RNF150: variants seen among roughly 807,000 people sequenced by gnomAD.
RNF150 encodes ring finger protein 150.
Under a neutral mutation model 39.3 loss-of-function variants are expected in RNF150, and 24 were observed. That is an observed-to-expected ratio of 0.61 (90% CI 0.44 to 0.86). The LOEUF is 0.86. RNF150 is among the 40% of genes least tolerant of loss of function. RNF150 has a pLI of 0.00. For synonymous variants in RNF150, 255 were observed against 227.3 expected, an observed-to-expected ratio of 1.12 and a Z score of -1.10; for missense variants, 502 against 587.8, an observed-to-expected ratio of 0.85 and a Z score of 1.51.
At chr4:141,027,477 A>G (rs1473528268) in intron 1 of RNF150, among the ~76,000 whole-genome samples, 2 of 152,188 alleles carry the variant, frequency 1.3e-5, no homozygotes, top group African/African-American at 2.4e-5. Context: ...CCAAGCTCCT[A>G]TCACCTCTGT....
At chr4:141,044,949 G>C (rs1002057039) in intron 1 of RNF150, among the ~76,000 whole-genome samples, 1 of 152,168 alleles carries the variant, frequency 6.6e-6, no homozygotes, top group Non-Finnish European at 1.5e-5. Flanking sequence ...TTTCTTTACG[G>C]AGTATTTACC....
At chr4:140,878,556 C>T (rs1465431562) in intron 6 of RNF150, among the ~76,000 whole-genome samples, 1 of 152,082 alleles carries the variant, frequency 6.6e-6, no homozygotes, top group African/African-American at 2.4e-5. Context: ...TGTACTTCTT[C>T]TTAGGAAAAT....
At chr4:141,068,253 T>C (rs1006989373) in intron 1 of RNF150, among the ~76,000 whole-genome samples, 2 of 152,208 alleles carry the variant, frequency 1.3e-5, no homozygotes, top group African/African-American at 4.8e-5. Flanking sequence ...CCAAGATACA[T>C]TCTTCTCAGT....
intron 1 of RNF150, among the ~76,000 whole-genome samples, chr4:141,162,006 G>A (rs746024215): frequency 7.2e-5 from 11 of 152,202 alleles, no homozygotes; most frequent in African/African-American, 1.7e-4. Flanking sequence ...CACAGAGTCC[G>A]CAATGGGGCA....
At chr4:140,912,691 A>C (rs1221746023) in intron 5 of RNF150, among the ~76,000 whole-genome samples, 1 of 152,144 alleles carries the variant, frequency 6.6e-6, no homozygotes, top group Non-Finnish European at 1.5e-5. Context: ...TTCCATAAAC[A>C]CATCAAATTC....
At chr4:141,143,479 T>C (rs1727153891) in intron 1 of RNF150, among the ~76,000 whole-genome samples, 1 of 152,136 alleles carries the variant, frequency 6.6e-6, no homozygotes. Flanking sequence ...CCTACTCTTC[T>C]CTCCATCTCC....
At chr4:140,947,767 T>C in intron 3 of RNF150, 31 bp from the exon 4 acceptor site, 1 of 1,435,446 alleles carries the variant, frequency 7.0e-7, no homozygotes, top group Non-Finnish European at 9.6e-7. Context: ...ATGAGCCTAT[T>C]TTCTTAGCTT....
chr4:140,944,649 A>G (rs1219678813), intron 4 of RNF150: 3 of 152,242 alleles, frequency 2.0e-5, no homozygotes, highest in African/African-American at 7.2e-5. Context: ...TATAATTTGG[A>G]AAGACATTCT....
At chr4:141,153,629 G>T (rs1189321421) in intron 1 of RNF150, among the ~76,000 whole-genome samples, 1 of 152,232 alleles carries the variant, frequency 6.6e-6, no homozygotes, top group African/African-American at 2.4e-5. Flanking sequence ...AACATCTTCA[G>T]ATGAGCATTC....
rs1728756474 is a variant in RNF150 at position 140,867,514 on chromosome 4, T to A, written c.*747A>T. 1 of 152,190 alleles carries A rather than the reference T, an allele frequency of 6.6e-6. No individual in the cohort carries two copies. Among genetic ancestry groups the A allele is most frequent in the Admixed American group, 6.6e-5 (1 of 15,266 alleles). The allele number at this position is 152,190 out of a possible 1,614,324, so 9.4% of individuals were successfully genotyped here. On this transcript the variant is annotated 3_prime_UTR_variant, in exon 7 of 7. Coordinates refer to ENST00000515673, the MANE Select transcript of RNF150 (RefSeq NM_020724.2). The stretch of plus-strand genomic sequence containing the variant: ...CCTAGAGCTCCCTTCTCATGTCACG[T>A]GGGCCCTTAATCAAGCCCGGCAAGT...
intron 6 of RNF150, among the ~76,000 whole-genome samples, chr4:140,910,062 C>CT (rs1730533988): frequency 6.6e-6 from 1 of 152,008 alleles, no homozygotes; most frequent in African/African-American, 2.4e-5. Flanking sequence ...TTTTTTCATT[C>CT]TTTTTTTAGT....
intron 1 of RNF150, among the ~76,000 whole-genome samples, chr4:141,047,579 AT>A (rs1736627192): frequency 6.6e-6 from 1 of 152,194 alleles, no homozygotes; most frequent in Admixed American, 6.5e-5. Flanking sequence ...CCAAATAAAA[AT>A]TTTTAAATAT....
At chr4:141,142,499 T>C (rs1169538686) in intron 1 of RNF150, among the ~76,000 whole-genome samples, 1 of 152,200 alleles carries the variant, frequency 6.6e-6, no homozygotes, top group Admixed American at 6.5e-5. Context: ...CTCCTCCCTT[T>C]TTATAGCAAA....
chr4:140,925,834 G>GCC, intron 5 of RNF150, 143 bp downstream of exon 5: 1 of 632,974 alleles, frequency 1.6e-6, no homozygotes, highest in Non-Finnish European at 2.8e-6. Context: ...AGACATAGGA[G>GCC]TTCTCTTGGA....
chr4:141,137,348 A>G (rs1248118198), upstream of RNF150, among the ~76,000 whole-genome samples: 1 of 152,240 alleles, frequency 6.6e-6, no homozygotes, highest in Non-Finnish European at 1.5e-5. Flanking sequence ...ACTCAACAGT[A>G]ATTCAGGAAA....
intron 1 of RNF150, among the ~76,000 whole-genome samples, chr4:141,140,427 C>T (rs969012306): frequency 2.6e-5 from 4 of 152,136 alleles, no homozygotes; most frequent in Non-Finnish European, 5.9e-5. Context: ...TATGGAAAGT[C>T]AGCTTGGAAA....
At chr4:141,037,324 G>A (rs1273903026) in intron 1 of RNF150, among the ~76,000 whole-genome samples, 1 of 151,964 alleles carries the variant, frequency 6.6e-6, no homozygotes, top group African/African-American at 2.4e-5. Context: ...TCAATACTTC[G>A]TAATTTATAA....
intron 1 of RNF150, among the ~76,000 whole-genome samples, chr4:141,030,281 C>CA (rs4019263): frequency 0.16 from 22,985 of 147,914 alleles, 1,828 homozygotes; most frequent in African/African-American, 0.21. Flanking sequence ...TAATGGCTAT[C>CA]AAAAAAAAAA....
At chr4:141,202,307 G>C (rs1343100339) in intron 1 of RNF150, among the ~76,000 whole-genome samples, 3 of 152,022 alleles carry the variant, frequency 2.0e-5, no homozygotes, top group Admixed American at 2.0e-4. Flanking sequence ...TGAAATCAGG[G>C]GAGCAAGTTT....
Sources: gnomAD v4.1 joint callset for allele counts (sites outside exome capture counted in the v4.1 genomes callset) on GRCh38, gnomAD v4.1.1 for gene constraint, MANE v1.5 for transcripts, NCBI Gene and HGNC (gene_info 2026-07-23, HGNC 2026-07-21) for gene names.